Variants in GRM8 observed in about 807,000 individuals in gnomAD.
GRM8 encodes the protein metabotropic glutamate receptor 8.
In GRM8, 47 loss-of-function variants were observed where a neutral mutation model predicts 87.2. The ratio of observed to expected loss-of-function variants is 0.54; its 90% CI spans 0.43 to 0.69. The LOEUF is 0.69. Among genes scored for constraint, GRM8 ranks in the 30% least tolerant of loss-of-function variants. The pLI is 0.00. For missense variants in GRM8, 1,019 were observed against 1,139.2 expected (o/e 0.89, Z 1.52); for synonymous variants, 396 against 404.5 (o/e 0.98, Z 0.25).
chr7:126,651,344 T>C (rs11770766), intron 7 of GRM8, among the ~76,000 whole-genome samples: 23,526 of 152,182 alleles, frequency 0.15, 1,889 homozygotes, highest in South Asian at 0.2. Context: ...GAAGTCACAA[T>C]TAAAATGCCA....
At chr7:126,694,916 T>C (rs573284239) in intron 7 of GRM8, among the ~76,000 whole-genome samples, 1 of 152,288 alleles carries the variant, frequency 6.6e-6, no homozygotes, top group Non-Finnish European at 1.5e-5. Flanking sequence ...GATTCTAACA[T>C]GTATCTGGGG....
At chr7:127,123,408 T>C (rs1827192490) in intron 2 of GRM8, among the ~76,000 whole-genome samples, 1 of 152,078 alleles carries the variant, frequency 6.6e-6, no homozygotes, top group Non-Finnish European at 1.5e-5. Flanking sequence ...GAGTTCTCAC[T>C]CTGTTAGTTC....
At chr7:126,676,125 C>A (rs1199783259) in intron 7 of GRM8, among the ~76,000 whole-genome samples, 1 of 152,114 alleles carries the variant, frequency 6.6e-6, no homozygotes, top group Admixed American at 6.5e-5. Flanking sequence ...AGAACCCAAT[C>A]CCATTTATTA....
At chr7:126,909,959 G>A (rs760282745) in intron 3 of GRM8, among the ~76,000 whole-genome samples, 1 of 151,998 alleles carries the variant, frequency 6.6e-6, no homozygotes, top group Non-Finnish European at 1.5e-5. Context: ...ATGGTTTAGT[G>A]ACTGCAAATG....
chr7:126,644,797 C>T (rs1475651441), intron 7 of GRM8, among the ~76,000 whole-genome samples: 2 of 152,198 alleles, frequency 1.3e-5, no homozygotes, highest in Non-Finnish European at 1.5e-5. Context: ...GGGAACCACA[C>T]TCAGAAAAGG....
intron 3 of GRM8, among the ~76,000 whole-genome samples, chr7:126,996,180 G>A (rs939850749): frequency 2.6e-5 from 4 of 151,970 alleles, no homozygotes; most frequent in Non-Finnish European, 5.9e-5. Flanking sequence ...ATCAATACCA[G>A]ACCTGCCCTA....
intron 3 of GRM8, among the ~76,000 whole-genome samples, chr7:127,022,758 T>C (rs1347684503): frequency 1.3e-5 from 2 of 152,152 alleles, no homozygotes; most frequent in Non-Finnish European, 2.9e-5. Context: ...TATACTTTTC[T>C]GTACATTTTG....
intron 7 of GRM8, among the ~76,000 whole-genome samples, chr7:126,643,768 A>G (rs905227543): frequency 6.6e-6 from 1 of 152,244 alleles, no homozygotes; most frequent in Admixed American, 6.5e-5. Flanking sequence ...TCAACAAAAT[A>G]GGAAATGCCA....
intron 7 of GRM8, among the ~76,000 whole-genome samples, chr7:126,655,988 C>G (rs1804480769): frequency 6.6e-6 from 1 of 152,190 alleles, no homozygotes; most frequent in Admixed American, 6.5e-5. Flanking sequence ...TTCTTCATAG[C>G]TGGTAATGTA....
At chr7:127,073,965 G>T (rs1821996647) in intron 3 of GRM8, among the ~76,000 whole-genome samples, 1 of 152,092 alleles carries the variant, frequency 6.6e-6, no homozygotes, top group African/African-American at 2.4e-5. Context: ...CAAACCTTAG[G>T]TAACCAAAGG....
chr7:126,800,031 CT>C (rs1025859858), intron 6 of GRM8, among the ~76,000 whole-genome samples: 4 of 152,130 alleles, frequency 2.6e-5, no homozygotes, highest in African/African-American at 9.7e-5. Flanking sequence ...AATCAACTTA[CT>C]TTACAAAATC....
intron 9 of GRM8, among the ~76,000 whole-genome samples, chr7:126,451,681 T>G (rs1403341932): frequency 6.6e-6 from 1 of 151,728 alleles, no homozygotes; most frequent in African/African-American, 2.4e-5. Context: ...TGGTTTACTC[T>G]TTTTTTACTC....
At chr7:126,708,010 A>G (rs1810717682) in intron 7 of GRM8, among the ~76,000 whole-genome samples, 1 of 152,186 alleles carries the variant, frequency 6.6e-6, no homozygotes, top group Admixed American at 6.6e-5. Flanking sequence ...TATTCAAATT[A>G]TATGAGAAAT....
chr7:127,184,123 A>C (rs1273164780), intron 2 of GRM8, among the ~76,000 whole-genome samples: 2 of 151,950 alleles, frequency 1.3e-5, no homozygotes, highest in Admixed American at 1.3e-4. Context: ...TATCTCTTAC[A>C]GGAAATAGAA....
intron 7 of GRM8, among the ~76,000 whole-genome samples, chr7:126,610,581 T>C (rs1225471307): frequency 2.0e-5 from 3 of 152,204 alleles, no homozygotes; most frequent in East Asian, 1.9e-4. Context: ...ACGTCAACTG[T>C]ACATATTCCC....
intron 7 of GRM8, among the ~76,000 whole-genome samples, chr7:126,662,620 T>A (rs1805316997): frequency 6.6e-6 from 1 of 152,160 alleles, no homozygotes; most frequent in African/African-American, 2.4e-5. Context: ...GTGCAAATCA[T>A]AGAAGGACAA....
chr7:126,716,783 G>A (rs1811793069), intron 7 of GRM8, among the ~76,000 whole-genome samples: 1 of 152,154 alleles, frequency 6.6e-6, no homozygotes. Flanking sequence ...AATTATCGGT[G>A]AGGAGAGAGA....
chr7:126,751,722 G>A (rs577006313), intron 7 of GRM8, among the ~76,000 whole-genome samples: 1 of 152,250 alleles, frequency 6.6e-6, no homozygotes, highest in South Asian at 2.1e-4. Flanking sequence ...CAGACAATAG[G>A]GAGGGCTCCT....
At chr7:126,646,182 T>A (rs1235909635) in intron 7 of GRM8, among the ~76,000 whole-genome samples, 1 of 151,848 alleles carries the variant, frequency 6.6e-6, no homozygotes, top group Non-Finnish European at 1.5e-5. Flanking sequence ...AAATGCAGAT[T>A]GGTTTACTTT....
Sources: allele counts gnomAD v4.1 joint callset (sites outside exome capture counted in the v4.1 genomes callset), GRCh38; gene constraint gnomAD v4.1.1; transcripts MANE v1.5; gene names NCBI Gene and HGNC (gene_info 2026-07-23, HGNC 2026-07-21).